C10orf90: variants seen among roughly 807,000 people sequenced by gnomAD.
C10orf90 encodes the protein (E2-independent) E3 ubiquitin-conjugating enzyme FATS.
In C10orf90, 56 loss-of-function variants were observed where a neutral mutation model predicts 62.5. The observed-to-expected ratio is 0.90, with a 90% confidence interval of 0.72 to 1.12. The LOEUF (loss-of-function observed/expected upper bound fraction) is 1.12. Ranked by LOEUF, C10orf90 falls within the 50% of genes most tolerant of loss-of-function variation. C10orf90 has a pLI of 0.00. For synonymous variants in C10orf90, 386 were observed against 340.4 expected (o/e 1.13, Z -1.47); for missense variants, 970 against 880.4 (o/e 1.10, Z -1.29).
chr10:126,572,941 A>T (rs1307424577), intron 2 of C10orf90, among the ~76,000 whole-genome samples: 1 of 152,112 alleles, frequency 6.6e-6, no homozygotes, highest in Non-Finnish European at 1.5e-5. Flanking sequence ...AAATAACCAT[A>T]AAAACAGTCA....
intron 7 of C10orf90, among the ~76,000 whole-genome samples, chr10:126,440,529 A>G (rs1448888619): frequency 2.0e-5 from 3 of 152,130 alleles, no homozygotes; most frequent in Non-Finnish European, 2.9e-5. Flanking sequence ...TCCTCTCCAT[A>G]CTACCACAGC....
intron 2 of C10orf90, 21 bp downstream of exon 2, chr10:126,646,544 G>A: frequency 2.4e-6 from 1 of 409,876 alleles, no homozygotes. Context: ...AACCCTGCCT[G>A]GGCAGGCCCC....
At chr10:126,596,812 A>G (rs1218426273) in intron 2 of C10orf90, among the ~76,000 whole-genome samples, 1 of 152,220 alleles carries the variant, frequency 6.6e-6, no homozygotes, top group African/African-American at 2.4e-5. Context: ...CACAAGTTGA[A>G]CCATCATAAG....
chr10:126,479,522 G>C (rs1043616036), intron 4 of C10orf90, among the ~76,000 whole-genome samples: 4 of 152,178 alleles, frequency 2.6e-5, no homozygotes, highest in African/African-American at 9.7e-5. Context: ...GGCCCTGATT[G>C]TTCAATCCCA....
chr10:126,655,690 A>T (rs867145924), intron 1 of C10orf90, among the ~76,000 whole-genome samples: 1 of 152,186 alleles, frequency 6.6e-6, no homozygotes, highest in African/African-American at 2.4e-5. Flanking sequence ...AACAGTTTGA[A>T]ATACTTTGAA....
intron 4 of C10orf90, among the ~76,000 whole-genome samples, chr10:126,486,275 A>C (rs574247633): frequency 3.4e-4 from 52 of 152,360 alleles, no homozygotes; most frequent in Middle Eastern, 3.4e-3. Context: ...GACAACCACA[A>C]GCTGGAAATT....
intron 4 of C10orf90, among the ~76,000 whole-genome samples, chr10:126,492,127 T>C (rs1861799975): frequency 1.3e-5 from 2 of 152,240 alleles, no homozygotes; most frequent in African/African-American, 2.4e-5. Flanking sequence ...GTAGTTTAGA[T>C]AACAGTAGTG....
rs771732623 is a variant in C10orf90 at position 126,504,378 on chromosome 10, G to A, written c.1113C>T (p.Pro371=). The A allele has an allele frequency of 2.5e-6, 4 of 1,614,068 alleles. No homozygotes were observed. The highest frequency in any genetic ancestry group is 3.4e-6 in the Non-Finnish European group (4 of 1,180,042). ...IYYVDKSLSV[P]IEPPQIASPK... is the part of the protein sequence containing the mutation. ...GGCTGGCAATTTGAGGTGGCTCAATGGGGACGGAGAGAGACTTGTCTACGT... is the reference window on the plus strand; with the variant it reads ...GGCTGGCAATTTGAGGTGGCTCAATAGGGACGGAGAGAGACTTGTCTACGT... Residue 371 remains proline (P), a synonymous_variant, in exon 4 of 10, where the codon CCC becomes CCT. Transcript: ENST00000488181. The surrounding 1 kb of genome is among the most constrained non-coding windows in gnomAD (Gnocchi z 4.1).
chr10:126,491,452 A>G (rs1861768739), intron 4 of C10orf90, among the ~76,000 whole-genome samples: 1 of 152,060 alleles, frequency 6.6e-6, no homozygotes, highest in Non-Finnish European at 1.5e-5. Flanking sequence ...CAAATAGCCA[A>G]TGTAAAAGGA....
Position 126,460,873 on chromosome 10 carries a change from A to C in C10orf90, c.2010+528T>G, listed in dbSNP as rs141917551. Among the ~76,000 whole-genome samples the C allele has an allele frequency of 2.6e-3, 394 of 152,250 alleles. 4 individuals are homozygous for C. The highest frequency in any genetic ancestry group is 8.8e-3 in the African/African-American group (365 of 41,534). ...TCCTCTGAGGTTGTTTGCCTTCCTA[A>C]TTTTTATTTCTCTGTATTTTTTTAA... is the stretch of plus-strand genomic sequence containing the variant. On this transcript the variant is annotated intron_variant, in intron 6 of 9. Coordinates refer to ENST00000488181, the MANE Select transcript of C10orf90 (RefSeq NM_001350921.2).
At chr10:126,552,738 G>A (rs148550369) in intron 2 of C10orf90, among the ~76,000 whole-genome samples, 1,533 of 152,356 alleles carry the variant, frequency 0.01, 23 homozygotes, top group African/African-American at 0.035. Flanking sequence ...GGCAGAGGAC[G>A]AAGTAGCAAG....
intron 1 of C10orf90, among the ~76,000 whole-genome samples, chr10:126,648,852 C>G (rs1286358428): frequency 1.3e-5 from 2 of 152,060 alleles, no homozygotes; most frequent in African/African-American, 4.8e-5. Flanking sequence ...TTTAATGTAA[C>G]TCTATCAAGT....
chr10:126,507,371 A>AT (rs1346293407), intron 3 of C10orf90, among the ~76,000 whole-genome samples: 2 of 151,614 alleles, frequency 1.3e-5, no homozygotes, highest in African/African-American at 2.4e-5. Flanking sequence ...AAAAAAAAAA[A>AT]AAAAAATACA....
intron 3 of C10orf90, among the ~76,000 whole-genome samples, chr10:126,511,482 C>A (rs1591045308): frequency 6.6e-6 from 1 of 152,252 alleles, no homozygotes; most frequent in Non-Finnish European, 1.5e-5. Context: ...CTCTTCTCGT[C>A]CTGTAAAACT....
At chr10:126,493,569 C>T (rs1861876813) in intron 4 of C10orf90, among the ~76,000 whole-genome samples, 4 of 139,892 alleles carry the variant, frequency 2.9e-5, no homozygotes, top group Admixed American at 2.2e-4. Context: ...GTTGTCCAGG[C>T]TGGTCTCGAA....
At chr10:126,587,002 C>G (rs2134023474) in intron 2 of C10orf90, among the ~76,000 whole-genome samples, 1 of 151,440 alleles carries the variant, frequency 6.6e-6, no homozygotes, top group East Asian at 2.0e-4. Context: ...CAGAACAAAC[C>G]ATCTAAAAGT....
intron 2 of C10orf90, among the ~76,000 whole-genome samples, chr10:126,575,980 CAT>C (rs1245141602): frequency 6.6e-6 from 1 of 151,990 alleles, no homozygotes; most frequent in Non-Finnish European, 1.5e-5. Context: ...CAGAAAGAAA[CAT>C]AGAGAAAATG....
chr10:126,561,799 C>CG (rs1564872105), intron 2 of C10orf90, among the ~76,000 whole-genome samples: 1 of 152,124 alleles, frequency 6.6e-6, no homozygotes. Flanking sequence ...CCCCTTTCCC[C>CG]GGGCCCCGGG....
intron 2 of C10orf90, among the ~76,000 whole-genome samples, chr10:126,626,374 A>AGTT (rs1845743878): frequency 6.6e-6 from 1 of 152,084 alleles, no homozygotes; most frequent in African/African-American, 2.4e-5. Context: ...CAGAACCCAC[A>AGTT]GTTGTCCTGA....
Sources: gnomAD v4.1 joint callset for allele counts (sites outside exome capture counted in the v4.1 genomes callset) on GRCh38, gnomAD v4.1.1 for gene constraint, Gnocchi (gnomAD v3.1) non-coding constraint, MANE v1.5 for transcripts, NCBI Gene and HGNC (gene_info 2026-07-23, HGNC 2026-07-21) for gene names.